ANGPT4: variants seen among roughly 807,000 people sequenced by gnomAD.
The protein encoded by ANGPT4 is angiopoietin-4.
In ANGPT4, 50 loss-of-function variants were observed where a neutral mutation model predicts 53.0. The ratio of observed to expected loss-of-function variants is 0.94; its 90% confidence interval spans 0.75 to 1.20. The LOEUF is 1.20. ANGPT4 is among the 50% of genes most tolerant of loss of function. The pLI is 0.00. For missense variants in ANGPT4, 648 were observed against 637.1 expected (o/e 1.02, Z -0.18); for synonymous variants, 251 against 259.7 (o/e 0.97, Z 0.32).
chr20:882,724 G>T (rs1257634285), intron 4 of ANGPT4, among the ~76,000 whole-genome samples: 1 of 152,176 alleles, frequency 6.6e-6, no homozygotes. Flanking sequence ...ACAGAGCCAG[G>T]GTTGGCCTGA....
chr20:914,788 G>A lies in ANGPT4; in HGVS notation c.309+1118C>T, dbSNP rs181070610. On this transcript the variant is annotated intron_variant, in intron 1 of 8. Coordinates refer to ENST00000381922, the MANE Select transcript of ANGPT4 (RefSeq NM_015985.4). The surrounding 1 kb of genome is among the most constrained non-coding windows in gnomAD (Gnocchi z 5.0). ...GATGTCTCCTGTACCCTCATGCCCCGCCAGGGCCAAGCCTGCTTTGCACAC... is the reference window on the plus strand; with the variant it reads ...GATGTCTCCTGTACCCTCATGCCCCACCAGGGCCAAGCCTGCTTTGCACAC... Among the ~76,000 whole-genome samples the A allele has an allele frequency of 1.8e-4, 28 of 152,078 alleles. No homozygotes were observed. The highest frequency in any genetic ancestry group is 3.1e-4 in the African/African-American group (13 of 41,448).
At chr20:878,990 G>A (rs971496659) in intron 6 of ANGPT4, among the ~76,000 whole-genome samples, 8 of 152,208 alleles carry the variant, frequency 5.3e-5, no homozygotes, top group Admixed American at 4.6e-4. Flanking sequence ...ACGATGCAAT[G>A]CGGGTTAGCC....
rs1982714364 is a variant in ANGPT4, at chr20:911,855, GGAGAGA to G, written c.309+4045_309+4050del. 1.3e-5 allele frequency among the ~76,000 whole-genome samples: 1 copy of G among 74,074 alleles called. No homozygotes were observed. The highest frequency in any genetic ancestry group is 3.6e-5 in the Non-Finnish European group (1 of 27,842). The allele number at this position is 74,074 out of a possible 152,430, so 48.6% of individuals were successfully genotyped here. ...GAGAGGGAGAGAGGGACAGAGAGAGGGAGAGAGAGACAGAGAGAGGGAGAAAGAGAC... is the reference window on the plus strand; with the variant it reads ...GAGAGGGAGAGAGGGACAGAGAGAGGGAGACAGAGAGAGGGAGAAAGAGAC... On this transcript the variant is annotated intron_variant, in intron 1 of 8. Transcript: ENST00000381922. The surrounding 1 kb of genome is among the most constrained non-coding windows in gnomAD (Gnocchi z 4.9).
At chr20:882,176 G>A (rs887742805) in intron 4 of ANGPT4, among the ~76,000 whole-genome samples, 6 of 152,186 alleles carry the variant, frequency 3.9e-5, no homozygotes, top group African/African-American at 1.2e-4. Flanking sequence ...GACTACATGA[G>A]ATCGGGATAG....
In ANGPT4 at chr20:877,420, G is replaced by A. The variant is rs185671351; in HGVS notation, c.1220+741C>T. Among the ~76,000 whole-genome samples the A allele has an allele frequency of 3.7e-4, 56 of 152,338 alleles. No individual in the cohort carries two copies. The East Asian group carries it at 7.7e-3, about 21-fold the overall frequency. On this transcript the variant is annotated intron_variant, in intron 7 of 8. Coordinates refer to ENST00000381922, the MANE Select transcript of ANGPT4 (RefSeq NM_015985.4). ...TGTGGAGACATCATGAGTTTTGACA[G>A]CAGGGAGATCTGAGTTCAAATTCCA...
chr20:897,612 G>A (rs376599172), intron 1 of ANGPT4, among the ~76,000 whole-genome samples: 16 of 152,144 alleles, frequency 1.1e-4, no homozygotes, highest in Admixed American at 6.5e-4. Context: ...GATCACCGGG[G>A]GGACACCTGC....
intron 1 of ANGPT4, among the ~76,000 whole-genome samples, chr20:894,231 C>T (rs1424212157): frequency 1.3e-5 from 2 of 152,252 alleles, no homozygotes; most frequent in East Asian, 1.9e-4. Flanking sequence ...TTGCAAGCCC[C>T]GTGTTTAAAG....
chr20:911,549 C>T lies in ANGPT4; in HGVS notation c.309+4357G>A, dbSNP rs1430323293. Among the ~76,000 whole-genome samples, 1 of 152,042 alleles carries T rather than the reference C, an allele frequency of 6.6e-6. No individual in the cohort carries two copies. Among genetic ancestry groups the T allele is most frequent in the Non-Finnish European group, 1.5e-5 (1 of 68,006 alleles). On this transcript the variant is annotated intron_variant, in intron 1 of 8. Transcript: ENST00000381922. The surrounding 1 kb of genome is among the most constrained non-coding windows in gnomAD (Gnocchi z 4.9). The stretch of plus-strand genomic sequence containing the variant: ...AAGATGCAGGGAGTCACTTTGATAG[C>T]CAACCAGGAGAGAGAATCAGAGACA...
At chr20:901,519 C>T (rs968574713) in intron 1 of ANGPT4, among the ~76,000 whole-genome samples, 3 of 152,194 alleles carry the variant, frequency 2.0e-5, no homozygotes, top group Non-Finnish European at 2.9e-5. Context: ...GGACTCAGTC[C>T]ACCTGCACTC....
intron 5 of ANGPT4, among the ~76,000 whole-genome samples, chr20:880,541 T>C (rs1206099370): frequency 6.6e-6 from 1 of 151,842 alleles, no homozygotes; most frequent in Non-Finnish European, 1.5e-5. Context: ...TGAGCTGTGA[T>C]CATGCCATTG....
Position 914,412 on chromosome 20 carries a change from A to C in ANGPT4, c.309+1494T>G, listed in dbSNP as rs1982838568. Among the ~76,000 whole-genome samples, 1 of 152,034 alleles carries C rather than the reference A, an allele frequency of 6.6e-6. No homozygotes were observed. Among genetic ancestry groups the C allele is most frequent in the African/African-American group, 2.4e-5 (1 of 41,368 alleles). The stretch of plus-strand genomic sequence containing the variant: ...AGCAAAGTGGGAGTCTGGGAGAGGG[A>C]ACTCCAGGGAGTAAGGGTTCTTGCT... On this transcript the variant is annotated intron_variant, in intron 1 of 8. Transcript: ENST00000381922. The surrounding 1 kb of genome is among the most constrained non-coding windows in gnomAD (Gnocchi z 5.0).
intron 1 of ANGPT4, among the ~76,000 whole-genome samples, chr20:894,070 C>CTGTT (rs1568843387): frequency 6.6e-6 from 1 of 152,004 alleles, no homozygotes; most frequent in African/African-American, 2.4e-5. Flanking sequence ...AAGGGGGTTG[C>CTGTT]TGTTGCTGGC....
intron 1 of ANGPT4, among the ~76,000 whole-genome samples, chr20:891,255 G>T (rs1477694109): frequency 1.3e-5 from 2 of 152,216 alleles, no homozygotes; most frequent in African/African-American, 4.8e-5. Context: ...CAAAGAGTTT[G>T]CAGGTCCATT....
chr20:881,436 G>T lies in ANGPT4; in HGVS notation c.836-150C>A, dbSNP rs141750115. The T allele has an allele frequency of 1.2e-3, 848 of 702,240 alleles. 6 individuals carry two copies. The African/African-American group carries it at 0.013, about 11-fold the overall frequency. 43.5% of individuals were successfully genotyped at this position (702,240 alleles called of 1,614,324 possible). The stretch of plus-strand genomic sequence containing the variant: ...GTCAGACCTGGGAAGATTTCGTAGA[G>T]GAGGTGACAGTAAGCTGGAACCTGT... On this transcript the variant is annotated intron_variant, in intron 4 of 8. Transcript: ENST00000381922.
chr20:912,378 G>A (rs1169493632), intron 1 of ANGPT4, among the ~76,000 whole-genome samples: 1 of 152,206 alleles, frequency 6.6e-6, no homozygotes, highest in African/African-American at 2.4e-5. Flanking sequence ...GGGTCCTAGA[G>A]GGAGGGCATG....
intron 1 of ANGPT4, among the ~76,000 whole-genome samples, chr20:897,588 T>C (rs1982108698): frequency 6.6e-6 from 1 of 152,180 alleles, no homozygotes; most frequent in Non-Finnish European, 1.5e-5. Flanking sequence ...TTCACCCACA[T>C]TCCATTGGTG....
At chr20:891,761 C>T (rs574493599) in intron 1 of ANGPT4, among the ~76,000 whole-genome samples, 5 of 152,378 alleles carry the variant, frequency 3.3e-5, no homozygotes, top group African/African-American at 1.2e-4. Context: ...CCCTTCCTCA[C>T]CCTGGAGTGT....
chr20:906,031 G>T (rs1297128612), intron 1 of ANGPT4, among the ~76,000 whole-genome samples: 4 of 152,178 alleles, frequency 2.6e-5, no homozygotes, highest in Non-Finnish European at 4.4e-5. Context: ...GGCTGCTTGT[G>T]GCAGCTAGCC....
At chr20:875,389 C>T (rs1981124788) in intron 7 of ANGPT4, among the ~76,000 whole-genome samples, 1 of 152,204 alleles carries the variant, frequency 6.6e-6, no homozygotes, top group Admixed American at 6.5e-5. Flanking sequence ...TCTGCAGCTT[C>T]GACATCTGCT....
Sources: allele counts gnomAD v4.1 joint callset (sites outside exome capture counted in the v4.1 genomes callset), GRCh38; gene constraint gnomAD v4.1.1; non-coding constraint Gnocchi (gnomAD v3.1); transcripts MANE v1.5; gene names NCBI Gene and HGNC (gene_info 2026-07-23, HGNC 2026-07-21).